Variants in KIF1B observed in about 807,000 individuals in gnomAD.
The protein encoded by KIF1B is kinesin family member 1B.
Under a neutral mutation model 241.9 loss-of-function variants are expected in KIF1B, and 76 were observed. The observed-to-expected ratio is 0.31, with a 90% confidence interval of 0.26 to 0.38. KIF1B has a LOEUF of 0.38. Among genes scored for constraint, KIF1B ranks in the 10% least tolerant of loss-of-function variants. The pLI, the probability that KIF1B is intolerant of heterozygous loss-of-function variation, is 1.00. For missense variants in KIF1B, 1,622 were observed against 2,271.4 expected (o/e 0.71, Z 5.81); for synonymous variants, 750 against 796.7 (o/e 0.94, Z 0.99).
intron 38 of KIF1B, among the ~76,000 whole-genome samples, chr1:10,358,487 A>G: frequency 6.6e-6 from 1 of 152,134 alleles, no homozygotes; most frequent in East Asian, 1.9e-4. Flanking sequence ...TTTAGCATGG[A>G]TGTATCCAGC....
intron 7 of KIF1B, among the ~76,000 whole-genome samples, chr1:10,271,214 G>A (rs1008600267): frequency 2.6e-5 from 4 of 151,472 alleles, no homozygotes; most frequent in African/African-American, 4.9e-5. Flanking sequence ...GAGACACAAG[G>A]GTGTTATATG....
intron 19 of KIF1B, among the ~76,000 whole-genome samples, chr1:10,296,364 G>C (rs1650261315): frequency 6.6e-6 from 1 of 152,102 alleles, no homozygotes; most frequent in South Asian, 2.1e-4. Flanking sequence ...TTATCAAATA[G>C]AGTTAAATGT....
intron 48 of KIF1B, 72 bp from the exon 49 acceptor site, chr1:10,376,473 A>G (rs371140127): frequency 3.4e-6 from 5 of 1,465,120 alleles, no homozygotes. Flanking sequence ...GGAGCCTCAG[A>G]GGGAGAGGAC....
chr1:10,272,716 T>A (rs1021629827), intron 9 of KIF1B, among the ~76,000 whole-genome samples: 1 of 114,218 alleles, frequency 8.8e-6, no homozygotes, highest in Non-Finnish European at 1.8e-5. Flanking sequence ...GGGCCAGTAG[T>A]TTTTTTTTTT....
intron 1 of KIF1B, among the ~76,000 whole-genome samples, chr1:10,211,455 G>C (rs893977627): frequency 2.6e-5 from 4 of 152,134 alleles, no homozygotes; most frequent in Non-Finnish European, 5.9e-5. Context: ...GGCTGGTGTG[G>C]TCTCGGCATT....
intron 2 of KIF1B, among the ~76,000 whole-genome samples, chr1:10,239,175 A>G (rs1170013343): frequency 1.3e-5 from 2 of 152,176 alleles, no homozygotes; most frequent in African/African-American, 4.8e-5. Context: ...TGCTGGTCCC[A>G]ACTCTTGGGC....
chr1:10,263,975 C>G lies in KIF1B; in HGVS notation c.429+2005C>G, dbSNP rs577598942. The stretch of plus-strand genomic sequence containing the variant: ...CAAGGCCTCTACATTTACTTCTCCT[C>G]TTGCCTGAAATGTTGTTCACTTGGA... On this transcript the variant is annotated intron_variant, in intron 5 of 48. Coordinates refer to ENST00000676179, the MANE Select transcript of KIF1B (RefSeq NM_001365951.3). 2.0e-5 allele frequency among the ~76,000 whole-genome samples: 3 copies of G among 152,346 alleles called. No homozygotes were observed. The South Asian group carries it at 6.2e-4, about 32-fold the overall frequency.
intron 22 of KIF1B, among the ~76,000 whole-genome samples, chr1:10,313,840 G>A (rs949085126): frequency 3.3e-5 from 5 of 151,384 alleles, no homozygotes; most frequent in African/African-American, 9.8e-5. Flanking sequence ...GTGAGCCACC[G>A]TGCTTGGCCA....
intron 22 of KIF1B, chr1:10,305,832 T>C (rs2102274859): frequency 9.5e-7 from 1 of 1,052,728 alleles, no homozygotes; most frequent in East Asian, 5.4e-5. Context: ...ACATCGTTCC[T>C]CATCTCTTGA....
At chr1:10,313,692 A>C (rs1256292882) in intron 22 of KIF1B, among the ~76,000 whole-genome samples, 5 of 149,472 alleles carry the variant, frequency 3.3e-5, no homozygotes, top group African/African-American at 1.3e-4. Context: ...CTGGGACTAC[A>C]GGTGCCCACC....
chr1:10,250,543 A>G lies in KIF1B; in HGVS notation c.107-5704A>G, dbSNP rs113992317. The stretch of plus-strand genomic sequence containing the variant: ...CAGTATTTTTAAATTGTTCTTTCAT[A>G]TGTTTAGAATATTAAGCCAGGCATG... On this transcript the variant is annotated intron_variant, in intron 2 of 48. Transcript: ENST00000676179. Among the ~76,000 whole-genome samples the G allele has an allele frequency of 1.5e-3, 235 of 152,120 alleles. 1 individual carries two copies. Among genetic ancestry groups the G allele is most frequent in the African/African-American group, 5.4e-3 (225 of 41,492 alleles).
chr1:10,272,940 A>G (rs1648882248), intron 9 of KIF1B, 74 bp from the exon 10 acceptor site: 3 of 1,245,990 alleles, frequency 2.4e-6, no homozygotes, highest in Non-Finnish European at 3.4e-6. Context: ...CATGAAATTT[A>G]AACAAAATCT....
At chr1:10,354,961 C>T (rs1652922955) in intron 38 of KIF1B, among the ~76,000 whole-genome samples, 2 of 152,180 alleles carry the variant, frequency 1.3e-5, no homozygotes, top group Non-Finnish European at 2.9e-5. Context: ...TTTGCTAATA[C>T]ATTGATAGTG....
chr1:10,370,815 A>G (rs970943980), intron 44 of KIF1B, among the ~76,000 whole-genome samples: 1 of 151,808 alleles, frequency 6.6e-6, no homozygotes, highest in African/African-American at 2.4e-5. Flanking sequence ...AAATATTTTC[A>G]CCAGTTGTGG....
chr1:10,269,886 G>A lies in KIF1B; in HGVS notation c.721-1616G>A, dbSNP rs149056644. Among the ~76,000 whole-genome samples the A allele has an allele frequency of 4.1e-3, 623 of 152,242 alleles. 16 individuals carry two copies. Among genetic ancestry groups the A allele is most frequent in the East Asian group, 0.023 (120 of 5,186 alleles). ...TGTTTAGCCAGAGGTTATAATATTA[G>A]TGCTATTTATTAGTTAGTGTTTATC... On this transcript the variant is annotated intron_variant, in intron 7 of 48. Transcript: ENST00000676179.
At chr1:10,305,929 T>C (rs996582559) in intron 22 of KIF1B, 5 of 1,054,068 alleles carry the variant, frequency 4.7e-6, no homozygotes, top group Non-Finnish European at 5.7e-6. Flanking sequence ...GATTCCTAAG[T>C]CACATGAAAT....
chr1:10,247,177 A>G (rs891696068), intron 2 of KIF1B, among the ~76,000 whole-genome samples: 6 of 152,206 alleles, frequency 3.9e-5, no homozygotes, highest in Non-Finnish European at 8.8e-5. Context: ...TATCACTTTT[A>G]GAATAAAACT....
Position 10,271,377 on chromosome 1 carries a change from T to A in KIF1B, c.721-125T>A, listed in dbSNP as rs528304103. 28 of 772,536 alleles carry A rather than the reference T, an allele frequency of 3.6e-5. No homozygotes were observed. The African/African-American group carries it at 4.8e-4, about 13-fold the overall frequency. The allele number at this position is 772,536 out of a possible 1,614,324, so 47.9% of individuals were successfully genotyped here. A position where few individuals can be genotyped will look rare whatever the true frequency, so the allele number is the denominator to read the frequency against. Reference sequence around the variant, plus strand: ...TGTCTTGATCTTTTTGTGCCATATTTAAAAGCTCTAATACTTTTAGTTTTT... The same window carrying A: ...TGTCTTGATCTTTTTGTGCCATATTAAAAAGCTCTAATACTTTTAGTTTTT... On this transcript the variant is annotated intron_variant, in intron 7 of 48. Coordinates refer to ENST00000676179, the MANE Select transcript of KIF1B (RefSeq NM_001365951.3).
chr1:10,320,236 G>A (rs564795103), intron 23 of KIF1B, 100 bp downstream of exon 23: 1 of 770,520 alleles, frequency 1.3e-6, no homozygotes, highest in Admixed American at 1.9e-5. Flanking sequence ...CCTCTTAGTT[G>A]GCCCTATCAT....
Sources: gnomAD v4.1 joint callset for allele counts (sites outside exome capture counted in the v4.1 genomes callset) on GRCh38, gnomAD v4.1.1 for gene constraint, MANE v1.5 for transcripts, NCBI Gene and HGNC (gene_info 2026-07-23, HGNC 2026-07-21) for gene names.